Variants in SLC35F4 observed in about 807,000 individuals in gnomAD.
SLC35F4 encodes solute carrier family 35 member F4.
SLC35F4 carries 24 observed loss-of-function variants against 44.2 expected under a neutral mutation model. The observed-to-expected ratio is 0.54, with a 90% CI of 0.39 to 0.76. The LOEUF is 0.76. Among genes scored for constraint, SLC35F4 ranks in the 30% least tolerant of loss-of-function variants. The pLI is 0.00. For synonymous variants in SLC35F4, 238 were observed against 223.6 expected (o/e 1.06, Z -0.57); for missense variants, 562 against 586.1 (o/e 0.96, Z 0.42).
chr14:57,763,127 T>A (rs188847577), intron 1 of SLC35F4, among the ~76,000 whole-genome samples: 18 of 152,290 alleles, frequency 1.2e-4, no homozygotes, highest in Non-Finnish European at 8.8e-5. Flanking sequence ...AGCTTTCCCA[T>A]CTTGCTAGTT....
At chr14:57,649,786 A>C (rs1261674712) in intron 1 of SLC35F4, among the ~76,000 whole-genome samples, 1 of 43,164 alleles carries the variant, frequency 2.3e-5, no homozygotes, top group East Asian at 5.4e-4. Flanking sequence ...CTTAAAAGCA[A>C]ATCACCAAAT....
At chr14:57,872,976 C>T (rs573548528) in intron 1 of SLC35F4, among the ~76,000 whole-genome samples, 142 of 152,276 alleles carry the variant, frequency 9.3e-4, no homozygotes, top group Non-Finnish European at 1.3e-3. Context: ...AGCATCCATT[C>T]CAAATTTTGA....
At chr14:57,596,772 TA>T (rs1303212993) in intron 1 of SLC35F4, 1 of 1,365,450 alleles carries the variant, frequency 7.3e-7, no homozygotes, top group Admixed American at 1.9e-5. Context: ...TCATTTTCAC[TA>T]AAATATTATG....
intron 1 of SLC35F4, among the ~76,000 whole-genome samples, chr14:57,830,645 G>T (rs1044039744): frequency 1.3e-5 from 2 of 152,128 alleles, no homozygotes; most frequent in Non-Finnish European, 2.9e-5. Flanking sequence ...GTTCTGGATG[G>T]CTCTGCTCAG....
intron 1 of SLC35F4, among the ~76,000 whole-genome samples, chr14:57,752,914 T>C (rs985696428): frequency 3.9e-5 from 6 of 152,180 alleles, no homozygotes; most frequent in Admixed American, 6.5e-5. Context: ...GGTGTGTCAC[T>C]ACCTGGGGAA....
chr14:57,930,250 A>G (rs1443747591), intron 1 of SLC35F4, among the ~76,000 whole-genome samples: 1 of 152,230 alleles, frequency 6.6e-6, no homozygotes, highest in South Asian at 2.1e-4. Flanking sequence ...AAGGAACTGC[A>G]TCAGTTTCAT....
chr14:57,780,012 G>A (rs1396265843), intron 1 of SLC35F4, among the ~76,000 whole-genome samples: 3 of 152,110 alleles, frequency 2.0e-5, no homozygotes, highest in African/African-American at 7.2e-5. Context: ...CATTCCCCTT[G>A]AAAACCAATA....
At chr14:57,966,747 C>T (rs960427612) in intron 1 of SLC35F4, among the ~76,000 whole-genome samples, 21 of 152,292 alleles carry the variant, frequency 1.4e-4, no homozygotes, top group Admixed American at 6.5e-4. Context: ...CAGTGGTACA[C>T]GCCTGTAATC....
chr14:57,975,990 T>C (rs1190703892), downstream of SLC35F4, among the ~76,000 whole-genome samples: 1 of 129,630 alleles, frequency 7.7e-6, no homozygotes, highest in East Asian at 2.3e-4. Context: ...TAGATGAGAG[T>C]AGAGCAGAGT....
intron 1 of SLC35F4, among the ~76,000 whole-genome samples, chr14:57,847,707 TCAGATCAAGAAA>T (rs1886160602): frequency 1.3e-5 from 2 of 152,162 alleles, no homozygotes; most frequent in Admixed American, 1.3e-4. Flanking sequence ...TAACCAACAG[TCAGATCAAGAAA>T]CAGATAATGC....
intron 1 of SLC35F4, among the ~76,000 whole-genome samples, chr14:57,782,290 CATGG>C (rs1432353416): frequency 1.4e-5 from 2 of 138,772 alleles, no homozygotes. Context: ...TCCCCTTATA[CATGG>C]ATTTTTTTTC....
At chr14:57,724,426 G>A (rs1411362203) in intron 1 of SLC35F4, among the ~76,000 whole-genome samples, 2 of 152,156 alleles carry the variant, frequency 1.3e-5, no homozygotes, top group Non-Finnish European at 2.9e-5. Context: ...GAAACTGAAC[G>A]TTTGACTATG....
chr14:57,631,590 T>C (rs932294080), intron 1 of SLC35F4, among the ~76,000 whole-genome samples: 1 of 152,056 alleles, frequency 6.6e-6, no homozygotes, highest in African/African-American at 2.4e-5. Context: ...TTTTCAGGCC[T>C]CAGTTTATTT....
chr14:57,747,401 C>CT (rs765960358), intron 1 of SLC35F4, among the ~76,000 whole-genome samples: 32 of 152,254 alleles, frequency 2.1e-4, no homozygotes, highest in Non-Finnish European at 3.5e-4. Flanking sequence ...AAGTATATTA[C>CT]TAAGGGTGTT....
At chr14:57,946,133 G>C (rs73304477) in intron 1 of SLC35F4, among the ~76,000 whole-genome samples, 1 of 151,922 alleles carries the variant, frequency 6.6e-6, no homozygotes, top group Non-Finnish European at 1.5e-5. Context: ...GTTTAATAAG[G>C]TTCCATCTAT....
rs144151343 is a variant in SLC35F4, at chr14:57,694,637, T to C, written c.104-100513A>G. 7.3e-3 allele frequency among the ~76,000 whole-genome samples: 1,118 copies of C among 152,260 alleles called. 20 individuals are homozygous for C. Among genetic ancestry groups the C allele is most frequent in the African/African-American group, 0.026 (1,071 of 41,552 alleles). The stretch of plus-strand genomic sequence containing the variant: ...TCCCTCAGTTTGGGGAAAACTGACA[T>C]CTCCACACTACTGAATTTTCCAATC... On this transcript the variant is annotated intron_variant, in intron 1 of 7. Coordinates refer to ENST00000556826, the MANE Select transcript of SLC35F4 (RefSeq NM_001306087.2).
At chr14:57,792,541 A>G (rs1232760295) in intron 1 of SLC35F4, among the ~76,000 whole-genome samples, 2 of 152,202 alleles carry the variant, frequency 1.3e-5, no homozygotes, top group Non-Finnish European at 2.9e-5. Context: ...TGGATAAAGA[A>G]AATGTGATAT....
chr14:57,964,266 C>T (rs1400930292), intron 1 of SLC35F4, among the ~76,000 whole-genome samples: 1 of 152,034 alleles, frequency 6.6e-6, no homozygotes, highest in African/African-American at 2.4e-5. Flanking sequence ...TGTAACAATC[C>T]ACTAACCTGT....
intron 1 of SLC35F4, 71 bp downstream of exon 1, chr14:57,865,652 C>A: frequency 7.5e-7 from 1 of 1,325,530 alleles, no homozygotes; most frequent in Non-Finnish European, 1.0e-6. Context: ...CGCCCGTCCG[C>A]ATCCCCGCGG....
Sources: gnomAD v4.1 joint callset for allele counts (sites outside exome capture counted in the v4.1 genomes callset) on GRCh38, gnomAD v4.1.1 for gene constraint, MANE v1.5 for transcripts, NCBI Gene and HGNC (gene_info 2026-07-23, HGNC 2026-07-21) for gene names.